Variants in DIP2C observed in about 807,000 individuals in gnomAD.
DIP2C encodes disco-interacting protein 2 homolog C.
DIP2C carries 33 observed loss-of-function variants against 192.4 expected under a neutral mutation model. That is an observed-to-expected ratio of 0.17 (90% confidence interval 0.13 to 0.23). The LOEUF is 0.23. Among genes scored for constraint, DIP2C ranks in the 10% least tolerant of loss-of-function variants. The pLI is 1.00. For synonymous variants in DIP2C, 979 were observed against 864.1 expected (o/e 1.13, Z -2.33); for missense variants, 1,537 against 2,110.1 (o/e 0.73, Z 5.32).
At chr10:624,730 G>C (rs1242681419) in intron 1 of DIP2C, among the ~76,000 whole-genome samples, 3 of 152,236 alleles carry the variant, frequency 2.0e-5, no homozygotes, top group Non-Finnish European at 4.4e-5. Context: ...TGACTCATCT[G>C]AAAGGGACCT....
At chr10:461,478 A>T (rs891678553) in intron 3 of DIP2C, among the ~76,000 whole-genome samples, 1 of 152,234 alleles carries the variant, frequency 6.6e-6, no homozygotes, top group Non-Finnish European at 1.5e-5. Flanking sequence ...TACAACAAGA[A>T]GGGCCAACTA....
intron 13 of DIP2C, among the ~76,000 whole-genome samples, chr10:388,536 C>G (rs1270011278): frequency 6.6e-6 from 1 of 152,172 alleles, no homozygotes; most frequent in African/African-American, 2.4e-5. Context: ...AGTAAACAAC[C>G]TAAGTTCCTT....
chr10:388,674 C>T (rs866722959), intron 13 of DIP2C, among the ~76,000 whole-genome samples: 1 of 152,194 alleles, frequency 6.6e-6, no homozygotes, highest in African/African-American at 2.4e-5. Context: ...GGCCAAACAT[C>T]AGAATACCCA....
intron 1 of DIP2C, among the ~76,000 whole-genome samples, chr10:584,827 C>T (rs1401321841): frequency 7.4e-6 from 1 of 135,450 alleles, no homozygotes; most frequent in Non-Finnish European, 1.6e-5. Context: ...ACCTGACCCC[C>T]ACTCACGCGC....
intron 1 of DIP2C, among the ~76,000 whole-genome samples, chr10:496,038 T>TCTACATTACTCTTAACACCCCAAACAA (rs1844803469): frequency 1.4e-5 from 2 of 145,446 alleles, no homozygotes; most frequent in Non-Finnish European, 3.0e-5. Context: ...TACTTACATC[T>TCTACATTACTCTTAACACCCCAAACAA]CTACATTACT....
chr10:619,021 G>A (rs914737170), intron 1 of DIP2C, among the ~76,000 whole-genome samples: 6 of 152,208 alleles, frequency 3.9e-5, no homozygotes, highest in Non-Finnish European at 5.9e-5. Flanking sequence ...ACTGTGGCCT[G>A]CTTCCCATAA....
chr10:642,646 C>T (rs998130786), intron 1 of DIP2C, among the ~76,000 whole-genome samples: 2 of 152,272 alleles, frequency 1.3e-5, no homozygotes, highest in African/African-American at 4.8e-5. Context: ...GCGTGTGCCA[C>T]GGTCAGGGCT....
At chr10:686,806 C>T (rs562478431) in intron 1 of DIP2C, among the ~76,000 whole-genome samples, 379 of 152,372 alleles carry the variant, frequency 2.5e-3, no homozygotes, top group South Asian at 0.011. Flanking sequence ...AAGCAGGACA[C>T]CAGCAGTGCA....
At chr10:484,860 C>T in intron 2 of DIP2C, 1 of 1,611,690 alleles carries the variant, frequency 6.2e-7, no homozygotes, top group African/African-American at 1.3e-5. Flanking sequence ...GGACGTCGCA[C>T]ACCCCGATGT....
intron 1 of DIP2C, among the ~76,000 whole-genome samples, chr10:610,204 C>T (rs991348539): frequency 1.3e-5 from 2 of 152,164 alleles, no homozygotes; most frequent in African/African-American, 2.4e-5. Context: ...ATTAAGCAAA[C>T]GAGCCAAGCA....
intron 2 of DIP2C, chr10:484,643 A>T (rs1843861423): frequency 8.0e-7 from 1 of 1,249,352 alleles, no homozygotes; most frequent in Non-Finnish European, 1.1e-6. Flanking sequence ...CTGTGGAGCG[A>T]CCTGGCTCAC....
intron 1 of DIP2C, among the ~76,000 whole-genome samples, chr10:685,161 A>AAAATATAT (rs1831279284): frequency 3.1e-5 from 1 of 31,794 alleles, no homozygotes; most frequent in African/African-American, 1.0e-4. Flanking sequence ...AAAAAAAAAA[A>AAAATATAT]ATATATATAT....
chr10:440,543 G>A (rs926173866), intron 4 of DIP2C, among the ~76,000 whole-genome samples: 1 of 152,188 alleles, frequency 6.6e-6, no homozygotes, highest in African/African-American at 2.4e-5. Context: ...CTAATCAGAA[G>A]AAAAGTCCAA....
At chr10:380,226 G>C (rs11814866) in intron 17 of DIP2C, among the ~76,000 whole-genome samples, 68,415 of 136,168 alleles carry the variant, frequency 0.5, 16,773 homozygotes, top group East Asian at 0.61. Context: ...TGATGGTTAA[G>C]ACGAAGAAGA....
chr10:645,523 A>G lies in DIP2C; in HGVS notation c.85+43971T>C, dbSNP rs146235640. On this transcript the variant is annotated intron_variant, in intron 1 of 36. Coordinates refer to ENST00000280886, the MANE Select transcript of DIP2C (RefSeq NM_014974.3). ...CCCATCTGTTAAATTGTATATATTA[A>G]GTCCATAAAGAGACCAAGAGAATGT... Among the ~76,000 whole-genome samples, 48 of 152,358 alleles carry G rather than the reference A, an allele frequency of 3.2e-4. No individual in the cohort carries two copies. In the East Asian group the frequency reaches 7.9e-3, roughly 25 times the overall value.
chr10:494,370 C>T (rs1478109651), intron 1 of DIP2C, among the ~76,000 whole-genome samples: 2 of 151,878 alleles, frequency 1.3e-5, no homozygotes, highest in South Asian at 4.1e-4. Flanking sequence ...AGCACCGGGG[C>T]CAACAGAGCC....
chr10:508,768 T>C lies in DIP2C; in HGVS notation c.86-22238A>G, dbSNP rs1461589660. 2.6e-5 allele frequency among the ~76,000 whole-genome samples: 4 copies of C among 152,194 alleles called. No homozygotes were observed. In the East Asian group the frequency reaches 7.7e-4, roughly 29 times the overall value. ...AGAAGAAGCCACTTAAAGGCAACTG[T>C]ACCGCACATACAGGAGATGGCGAGA... On this transcript the variant is annotated intron_variant, in intron 1 of 36. Coordinates refer to ENST00000280886, the MANE Select transcript of DIP2C (RefSeq NM_014974.3).
In DIP2C at chr10:689,409, C is replaced by T; in HGVS notation, c.85+85G>A. 1 of 835,386 alleles carries T rather than the reference C, an allele frequency of 1.2e-6. No homozygotes were observed. Among genetic ancestry groups the T allele is most frequent in the Non-Finnish European group, 1.5e-6 (1 of 689,116 alleles). The allele number at this position is 835,386 out of a possible 1,614,324, so 51.7% of individuals were successfully genotyped here. On this transcript the variant is annotated intron_variant, in intron 1 of 36. Transcript: ENST00000280886. This position sits in a 1 kb window ranked among gnomAD's most constrained non-coding sequence, Gnocchi z 6.1. ...CCCCCTCCGGGCCCGGCCCCCGCCC[C>T]GCCGCAGGCCCCGCGCCCCCAGCCC... is the stretch of plus-strand genomic sequence containing the variant.
intron 1 of DIP2C, among the ~76,000 whole-genome samples, chr10:569,504 G>C (rs551687886): frequency 1.3e-5 from 2 of 152,112 alleles, no homozygotes; most frequent in Admixed American, 1.3e-4. Flanking sequence ...AAACTCAAAC[G>C]CAAAATAACA....
Sources: allele counts gnomAD v4.1 joint callset (sites outside exome capture counted in the v4.1 genomes callset), GRCh38; gene constraint gnomAD v4.1.1; non-coding constraint Gnocchi (gnomAD v3.1); transcripts MANE v1.5; gene names NCBI Gene and HGNC (gene_info 2026-07-23, HGNC 2026-07-21).